Variants in NCAM2 observed in about 807,000 individuals in gnomAD.
The protein encoded by NCAM2 is N-CAM-2.
NCAM2 carries 30 observed loss-of-function variants against 98.1 expected under a neutral mutation model. The ratio of observed to expected loss-of-function variants is 0.31; its 90% CI spans 0.23 to 0.41. The LOEUF (loss-of-function observed/expected upper bound fraction) is 0.41. NCAM2 is among the 10% of genes least tolerant of loss of function. NCAM2 has a pLI of 1.00. For missense variants in NCAM2, 867 were observed against 1,005.8 expected, an observed-to-expected ratio of 0.86 and a Z score of 1.87; for synonymous variants, 368 against 342.4, an observed-to-expected ratio of 1.07 and a Z score of -0.83.
chr21:21,024,755 C>T (rs865843654), intron 1 of NCAM2, among the ~76,000 whole-genome samples: 8 of 151,968 alleles, frequency 5.3e-5, no homozygotes, highest in African/African-American at 1.2e-4. Flanking sequence ...GGCATGGTGG[C>T]GCATGCCTGT....
intron 5 of NCAM2, among the ~76,000 whole-genome samples, chr21:21,299,204 C>T (rs1050189209): frequency 4.0e-5 from 6 of 151,308 alleles, no homozygotes; most frequent in Non-Finnish European, 8.8e-5. Flanking sequence ...TCCTGTTCCT[C>T]AAAATGTGCT....
chr21:21,489,032 C>T (rs959681006), intron 15 of NCAM2, among the ~76,000 whole-genome samples: 3 of 151,762 alleles, frequency 2.0e-5, no homozygotes, highest in African/African-American at 7.3e-5. Context: ...GCTCTGTCGC[C>T]CAAGCTGGAG....
At chr21:21,428,008 G>A (rs899184082) in intron 11 of NCAM2, among the ~76,000 whole-genome samples, 4 of 152,224 alleles carry the variant, frequency 2.6e-5, no homozygotes, top group African/African-American at 7.2e-5. Flanking sequence ...CTACTGCGAT[G>A]TGAAAAGATT....
chr21:21,285,962 C>T (rs981408162), intron 3 of NCAM2, among the ~76,000 whole-genome samples: 3 of 151,772 alleles, frequency 2.0e-5, no homozygotes, highest in Admixed American at 6.6e-5. Flanking sequence ...GTTCAAGGAA[C>T]CTCCAAGAAG....
Position 21,477,342 on chromosome 21 carries a change from C to T in NCAM2, c.1948C>T (p.His650Tyr). Residue 650 changes from histidine to tyrosine, a missense_variant, in exon 15 of 18, where the codon CAC (histidine) becomes TAC (tyrosine). This residue lies in a region of NCAM2 where 234 missense variants were observed against 333.8 expected (regional missense o/e 0.70). Coordinates refer to ENST00000400546, the MANE Select transcript of NCAM2 (RefSeq NM_004540.5). The part of the protein sequence containing the change: ...LEKKVQGNKD[H>Y]IILEHLQWTM... ...GAAAAAAGTGCAAGGAAATAAAGAC[C>T]ACATCATTTTGGAGCATCTCCAGTG... 2 of 1,605,874 alleles carry T rather than the reference C, an allele frequency of 1.2e-6. No homozygotes were observed. The highest frequency in any genetic ancestry group is 1.7e-6 in the Non-Finnish European group (2 of 1,174,974).
At chr21:21,395,915 A>T (rs1003652606) in intron 9 of NCAM2, among the ~76,000 whole-genome samples, 2 of 152,194 alleles carry the variant, frequency 1.3e-5, no homozygotes, top group Admixed American at 1.3e-4. Context: ...AAATCCTAGA[A>T]GATAACATGG....
At chr21:21,499,631 A>G (rs1039285753) in intron 15 of NCAM2, among the ~76,000 whole-genome samples, 60 of 152,210 alleles carry the variant, frequency 3.9e-4, no homozygotes, top group African/African-American at 1.4e-3. Flanking sequence ...TTTAAAAAAA[A>G]ATACTGCTAT....
At chr21:21,190,403 A>G (rs1180767971) in intron 1 of NCAM2, among the ~76,000 whole-genome samples, 3 of 152,296 alleles carry the variant, frequency 2.0e-5, no homozygotes, top group African/African-American at 7.2e-5. Context: ...CCCATCTTCA[A>G]TGCCCAACTT....
chr21:21,538,012 C>A lies in NCAM2; in HGVS notation c.*55C>A. 1 of 1,026,060 alleles carries A rather than the reference C, an allele frequency of 9.7e-7. No individual in the cohort carries two copies. The highest frequency in any genetic ancestry group is 1.4e-6 in the Non-Finnish European group (1 of 710,484). 63.6% of individuals were successfully genotyped at this position (1,026,060 alleles called of 1,614,324 possible). A position where few individuals can be genotyped will look rare whatever the true frequency, so the allele number is the denominator to read the frequency against. ...TACGAAGAGTATTTGGATTGCGTGA[C>A]CCTATGACCAAAACTATTCCATTGA... On this transcript the variant is annotated 3_prime_UTR_variant, in exon 18 of 18. Transcript: ENST00000400546.
chr21:21,090,883 T>C (rs2065998852), intron 1 of NCAM2, among the ~76,000 whole-genome samples: 4 of 152,214 alleles, frequency 2.6e-5, no homozygotes, highest in Admixed American at 2.6e-4. Flanking sequence ...TTTAAGAATC[T>C]GAGCTTCCCT....
At chr21:21,348,813 G>A (rs906831410) in intron 8 of NCAM2, among the ~76,000 whole-genome samples, 2 of 151,970 alleles carry the variant, frequency 1.3e-5, no homozygotes, top group South Asian at 2.1e-4. Flanking sequence ...TTCAACAAAA[G>A]TGCCAAGAAT....
chr21:21,188,525 C>T (rs1221864838), intron 1 of NCAM2, among the ~76,000 whole-genome samples: 1 of 152,212 alleles, frequency 6.6e-6, no homozygotes, highest in East Asian at 1.9e-4. Flanking sequence ...GTGTTATTCT[C>T]TAAAGGAAGC....
chr21:21,351,098 A>G (rs2075324152), intron 8 of NCAM2, among the ~76,000 whole-genome samples: 1 of 133,424 alleles, frequency 7.5e-6, no homozygotes, highest in Admixed American at 7.9e-5. Flanking sequence ...TGGGAGACAG[A>G]GAGAGCGAGA....
At chr21:21,516,883 C>G (rs1988742942) in intron 16 of NCAM2, among the ~76,000 whole-genome samples, 1 of 152,120 alleles carries the variant, frequency 6.6e-6, no homozygotes. Context: ...TCTGTATCAT[C>G]TTTTTTCTCT....
intron 5 of NCAM2, among the ~76,000 whole-genome samples, chr21:21,320,017 C>T (rs1300985972): frequency 6.6e-6 from 1 of 152,136 alleles, no homozygotes; most frequent in Non-Finnish European, 1.5e-5. Context: ...GATCCTCACG[C>T]TTCTACAGTC....
chr21:21,486,130 C>A (rs1232680865), intron 15 of NCAM2, among the ~76,000 whole-genome samples: 2 of 151,812 alleles, frequency 1.3e-5, no homozygotes, highest in Non-Finnish European at 2.9e-5. Flanking sequence ...GGTAAAACCC[C>A]GTCTCTACTA....
At position 21,046,932 on chromosome 21, in the gene NCAM2, T is replaced by C. The variant is rs79602831; in HGVS notation, c.55+48314T>C. On this transcript the variant is annotated intron_variant, in intron 1 of 17. Transcript: ENST00000400546. The stretch of plus-strand genomic sequence containing the variant: ...TTGTTTTGTCAGAATGAAAACTTTT[T>C]CTCTAAGTGATATTTTTCAGTTATT... Among the ~76,000 whole-genome samples, 971 of 152,294 alleles carry C rather than the reference T, an allele frequency of 6.4e-3. 10 individuals carry two copies. Among genetic ancestry groups the C allele is most frequent in the African/African-American group, 0.022 (932 of 41,564 alleles).
At chr21:21,225,974 A>C (rs991271249) in intron 1 of NCAM2, among the ~76,000 whole-genome samples, 7 of 152,116 alleles carry the variant, frequency 4.6e-5, no homozygotes, top group Admixed American at 1.3e-4. Flanking sequence ...ATACTAGGCC[A>C]CCATAAAAAG....
chr21:21,306,953 CTT>C (rs907755174), intron 5 of NCAM2, among the ~76,000 whole-genome samples: 5 of 151,858 alleles, frequency 3.3e-5, no homozygotes, highest in Non-Finnish European at 7.4e-5. Flanking sequence ...AATGTTTGCT[CTT>C]CTGTGCCTGG....
Sources: gnomAD v4.1 joint callset for allele counts (sites outside exome capture counted in the v4.1 genomes callset) on GRCh38, gnomAD v4.1.1 for gene constraint, gnomAD v4.1.1 regional missense constraint, MANE v1.5 for transcripts, NCBI Gene and HGNC (gene_info 2026-07-23, HGNC 2026-07-21) for gene names.